MAP3K4: variants seen among roughly 807,000 people sequenced by gnomAD.
The protein encoded by MAP3K4 is MAP three kinase 1.
A neutral mutation model predicts 185.6 loss-of-function variants in MAP3K4; 67 were observed. The ratio of observed to expected loss-of-function variants is 0.36; its 90% CI spans 0.30 to 0.44. The LOEUF (loss-of-function observed/expected upper bound fraction) is 0.44, where lower values mean the gene tolerates loss of function less well. MAP3K4 is among the 20% of genes least tolerant of loss of function. The probability of loss-of-function intolerance (pLI) is 1.00; values close to 1 mark genes in which losing one functional copy is unlikely to be tolerated. For synonymous variants in MAP3K4, 702 were observed against 710.4 expected, an observed-to-expected ratio of 0.99 and a Z score of 0.19; for missense variants, 1,551 against 1,995.1, an observed-to-expected ratio of 0.78 and a Z score of 4.24.
chr6:161,029,816 T>C (rs1782838377), intron 1 of MAP3K4, among the ~76,000 whole-genome samples: 1 of 152,176 alleles, frequency 6.6e-6, no homozygotes, highest in Non-Finnish European at 1.5e-5. Context: ...ACCACTAGTA[T>C]TTTTCTGGAT....
chr6:161,015,653 G>A (rs1012005647), intron 1 of MAP3K4, among the ~76,000 whole-genome samples: 9 of 152,296 alleles, frequency 5.9e-5, no homozygotes, highest in Middle Eastern at 3.4e-3. Flanking sequence ...GGGAGCCAGC[G>A]TGTGCAGATC....
rs1777832417 is a variant in MAP3K4 at position 161,101,369 on chromosome 6, T to G, written c.3675-523T>G. The G allele has an allele frequency of 6.6e-6, 1 of 152,220 alleles. No homozygotes were observed. Among genetic ancestry groups the G allele is most frequent in the African/African-American group, 2.4e-5 (1 of 41,428 alleles). 9.4% of individuals were successfully genotyped at this position (152,220 alleles called of 1,614,324 possible). On this transcript the variant is annotated intron_variant, in intron 17 of 26. Coordinates refer to ENST00000392142, the MANE Select transcript of MAP3K4 (RefSeq NM_005922.4). This position sits in a 1 kb window ranked among gnomAD's most constrained non-coding sequence, Gnocchi z 5.1. The stretch of plus-strand genomic sequence containing the variant: ...AATCTTTTGGACCATGAAATGATTT[T>G]AGTACTTTAAATGTAATTAAGTACA...
chr6:161,053,258 A>G lies in MAP3K4; in HGVS notation c.1707+3279A>G, dbSNP rs1297578621. Among the ~76,000 whole-genome samples the G allele has an allele frequency of 6.6e-6, 1 of 152,094 alleles. No homozygotes were observed. The highest frequency in any genetic ancestry group is 2.4e-5 in the African/African-American group (1 of 41,392). On this transcript the variant is annotated intron_variant, in intron 3 of 26. Coordinates refer to ENST00000392142, the MANE Select transcript of MAP3K4 (RefSeq NM_005922.4). The surrounding 1 kb of genome is among the most constrained non-coding windows in gnomAD (Gnocchi z 4.2). Reference sequence around the variant, plus strand: ...CTTTTAAACAACCAGATCTCTTGACAGCTCACTCACCATCATGAGAACAGC... The same window carrying G: ...CTTTTAAACAACCAGATCTCTTGACGGCTCACTCACCATCATGAGAACAGC...
intron 13 of MAP3K4, among the ~76,000 whole-genome samples, 183 bp downstream of exon 13, chr6:161,092,326 A>T (rs556461309): frequency 1.8e-4 from 28 of 151,694 alleles, no homozygotes; most frequent in East Asian, 3.9e-4. Context: ...TTGGGAAAAA[A>T]TTTTTTTTTA....
Position 161,080,676 on chromosome 6 carries a change from G to T in MAP3K4, c.2098-205G>T. Reference sequence around the variant, plus strand: ...TTGTCAATAATATGTTAAATTGCTGGGGAGTTAGTTTTGTGATTTTTTAAA... The same window carrying T: ...TTGTCAATAATATGTTAAATTGCTGTGGAGTTAGTTTTGTGATTTTTTAAA... On this transcript the variant is annotated intron_variant, in intron 5 of 26. Coordinates refer to ENST00000392142, the MANE Select transcript of MAP3K4 (RefSeq NM_005922.4). This position sits in a 1 kb window ranked among gnomAD's most constrained non-coding sequence, Gnocchi z 4.8. 1.9e-6 allele frequency: 1 copy of T among 518,344 alleles called. No homozygotes were observed. Among genetic ancestry groups the T allele is most frequent in the Admixed American group, 3.6e-5 (1 of 27,596 alleles). The allele number at this position is 518,344 out of a possible 1,614,324, so 32.1% of individuals were successfully genotyped here.
In MAP3K4 at chr6:161,050,037, A is replaced by C; in HGVS notation, c.1707+58A>C. 2.1e-6 allele frequency: 3 copies of C among 1,458,270 alleles called. No individual in the cohort carries two copies. The South Asian group carries it at 4.1e-5, about 20-fold the overall frequency. 90.3% of individuals were successfully genotyped at this position (1,458,270 alleles called of 1,614,324 possible). On this transcript the variant is annotated intron_variant, in intron 3 of 26. Coordinates refer to ENST00000392142, the MANE Select transcript of MAP3K4 (RefSeq NM_005922.4). ...TCCTTAGTTCCATTTATTTATTGCAAATTATAATGTTGGTGTTATGTACTT... is the reference window on the plus strand; with the variant it reads ...TCCTTAGTTCCATTTATTTATTGCACATTATAATGTTGGTGTTATGTACTT...
rs2114891964 is a variant in MAP3K4 at position 161,100,457 on chromosome 6, A to C, written c.3675-1435A>C. On this transcript the variant is annotated intron_variant, in intron 17 of 26. Transcript: ENST00000392142. The surrounding 1 kb of genome is among the most constrained non-coding windows in gnomAD (Gnocchi z 5.8). Reference sequence around the variant, plus strand: ...GAAATATCTGTTCTGGGCTTAAGTTATCTTATCATCGTTTGTAAAAACACT... The same window carrying C: ...GAAATATCTGTTCTGGGCTTAAGTTCTCTTATCATCGTTTGTAAAAACACT... Among the ~76,000 whole-genome samples the C allele has an allele frequency of 6.6e-6, 1 of 152,334 alleles. No homozygotes were observed. Among genetic ancestry groups the C allele is most frequent in the South Asian group, 2.1e-4 (1 of 4,830 alleles).
At chr6:161,042,214 A>G (rs1360637958) in intron 2 of MAP3K4, among the ~76,000 whole-genome samples, 1 of 152,146 alleles carries the variant, frequency 6.6e-6, no homozygotes, top group Non-Finnish European at 1.5e-5. Context: ...TGAACAGTGG[A>G]GAGAAGAGGC....
At chr6:161,001,214 CA>C in intron 1 of MAP3K4, among the ~76,000 whole-genome samples, 1 of 149,708 alleles carries the variant, frequency 6.7e-6, no homozygotes, top group Admixed American at 6.7e-5. Flanking sequence ...GAAAAATTTA[CA>C]AAAAATATTT....
Position 161,109,165 on chromosome 6 carries a change from C to A in MAP3K4, c.4236+306C>A. On this transcript the variant is annotated intron_variant, in intron 22 of 26. Coordinates refer to ENST00000392142, the MANE Select transcript of MAP3K4 (RefSeq NM_005922.4). The surrounding 1 kb of genome is among the most constrained non-coding windows in gnomAD (Gnocchi z 5.7). ...TTGTGACTTTTTTTCCGTTTTTTTG[C>A]TGAACCACTGTTGAGTACACTGTTA... 2 of 565,704 alleles carry A rather than the reference C, an allele frequency of 3.5e-6. No individual in the cohort carries two copies. The highest frequency in any genetic ancestry group is 2.6e-5 in the Admixed American group (1 of 38,344). 35.0% of individuals were successfully genotyped at this position (565,704 alleles called of 1,614,324 possible).
At chr6:161,089,145 A>G (rs1260230403) in intron 10 of MAP3K4, among the ~76,000 whole-genome samples, 177 bp from the exon 11 acceptor site, 8 of 152,198 alleles carry the variant, frequency 5.3e-5, no homozygotes, top group Admixed American at 3.3e-4. Flanking sequence ...CCAGCTGTCA[A>G]TGCCCACTGA....
In MAP3K4 at chr6:161,080,793, T is replaced by C. The variant is rs1785415589; in HGVS notation, c.2098-88T>C. ...GACAGCCCCCGGCCCGCCCCCACTTTACCCTGCTGATGTGTAGCTTTCAGG... is the reference window on the plus strand; with the variant it reads ...GACAGCCCCCGGCCCGCCCCCACTTCACCCTGCTGATGTGTAGCTTTCAGG... On this transcript the variant is annotated intron_variant, in intron 5 of 26. Coordinates refer to ENST00000392142, the MANE Select transcript of MAP3K4 (RefSeq NM_005922.4). This position sits in a 1 kb window ranked among gnomAD's most constrained non-coding sequence, Gnocchi z 4.8. 2 of 1,251,102 alleles carry C rather than the reference T, an allele frequency of 1.6e-6. No individual in the cohort carries two copies. Among genetic ancestry groups the C allele is most frequent in the South Asian group, 1.3e-5 (1 of 76,464 alleles). 77.5% of individuals were successfully genotyped at this position (1,251,102 alleles called of 1,614,324 possible). A position where few individuals can be genotyped will look rare whatever the true frequency, so the allele number is the denominator to read the frequency against.
At chr6:161,031,110 G>A (rs1392774113) in intron 1 of MAP3K4, among the ~76,000 whole-genome samples, 1 of 152,180 alleles carries the variant, frequency 6.6e-6, no homozygotes, top group East Asian at 1.9e-4. Flanking sequence ...TTTACTGCTA[G>A]AATAATTAGA....
chr6:161,006,278 A>G (rs1781578688), intron 1 of MAP3K4, among the ~76,000 whole-genome samples: 1 of 152,208 alleles, frequency 6.6e-6, no homozygotes, highest in African/African-American at 2.4e-5. Context: ...CAATTTATAG[A>G]AGGACAGCTG....
intron 23 of MAP3K4, among the ~76,000 whole-genome samples, chr6:161,111,324 A>AC (rs1778340000): frequency 6.6e-6 from 1 of 152,268 alleles, no homozygotes; most frequent in Admixed American, 6.5e-5. Context: ...TAACTAGACT[A>AC]CAAGTTAAGC....
chr6:161,089,584 G>C (rs772797313), intron 11 of MAP3K4, 113 bp downstream of exon 11: 39 of 1,060,760 alleles, frequency 3.7e-5, no homozygotes, highest in African/African-American at 1.8e-4. Context: ...TGAATTGCCT[G>C]CCCACTCACC....
intron 1 of MAP3K4, among the ~76,000 whole-genome samples, chr6:161,026,230 ATG>A (rs1782645381): frequency 6.6e-6 from 1 of 151,818 alleles, no homozygotes; most frequent in Non-Finnish European, 1.5e-5. Context: ...TCCTGGGTTC[ATG>A]CCATTCTCCT....
intron 25 of MAP3K4, among the ~76,000 whole-genome samples, chr6:161,113,210 G>A (rs913257020): frequency 9.9e-5 from 15 of 152,136 alleles, no homozygotes; most frequent in Admixed American, 2.0e-4. Flanking sequence ...ACACCCTGTC[G>A]AGCCACAGAA....
rs1180942455 is a variant in MAP3K4, at chr6:161,053,482, GTATTTT to G, written c.1707+3512_1707+3517del. ...ACTGTAAATCCATATGGGTGCAACT[GTATTTT>G]TATTTTTAAGATATCTTCTGCCTTT... On this transcript the variant is annotated intron_variant, in intron 3 of 26. Transcript: ENST00000392142. The surrounding 1 kb of genome is among the most constrained non-coding windows in gnomAD (Gnocchi z 4.2). Among the ~76,000 whole-genome samples the G allele has an allele frequency of 1.3e-5, 2 of 152,308 alleles. No individual in the cohort carries two copies. The highest frequency in any genetic ancestry group is 1.9e-4 in the East Asian group (1 of 5,188).
Sources: gnomAD v4.1 joint callset for allele counts (sites outside exome capture counted in the v4.1 genomes callset) on GRCh38, gnomAD v4.1.1 for gene constraint, Gnocchi (gnomAD v3.1) non-coding constraint, MANE v1.5 for transcripts, NCBI Gene and HGNC (gene_info 2026-07-23, HGNC 2026-07-21) for gene names.